Variants in MAP3K4 observed in about 807,000 individuals in gnomAD.
MAP3K4 encodes the protein mitogen-activated protein kinase kinase kinase 4, also known as MAP three kinase 1.
Under a neutral mutation model 185.6 loss-of-function variants are expected in MAP3K4, and 67 were observed. The ratio of observed to expected loss-of-function variants is 0.36; its 90% CI spans 0.30 to 0.44. MAP3K4 has a LOEUF of 0.44. Among genes scored for constraint, MAP3K4 ranks in the 20% least tolerant of loss-of-function variants. The pLI is 1.00. For synonymous variants in MAP3K4, 702 were observed against 710.4 expected, an observed-to-expected ratio of 0.99 and a Z score of 0.19; for missense variants, 1,551 against 1,995.1, an observed-to-expected ratio of 0.78 and a Z score of 4.24.
intron 1 of MAP3K4, among the ~76,000 whole-genome samples, chr6:161,009,706 C>T (rs1781759387): frequency 6.6e-6 from 1 of 152,040 alleles, no homozygotes; most frequent in Non-Finnish European, 1.5e-5. Flanking sequence ...CTTTGAAAGG[C>T]TCTTGAGAAT....
At chr6:161,031,946 CA>C (rs1358401465) in intron 1 of MAP3K4, among the ~76,000 whole-genome samples, 1 of 152,160 alleles carries the variant, frequency 6.6e-6, no homozygotes, top group African/African-American at 2.4e-5. Context: ...TATCTGACTT[CA>C]TTTTTCTAAT....
At position 161,086,506 on chromosome 6, in the gene MAP3K4, AC is replaced by A; in HGVS notation, c.2472+30del. The A allele has an allele frequency of 6.2e-7, 1 of 1,602,314 alleles. No homozygotes were observed. Among genetic ancestry groups the A allele is most frequent in the Non-Finnish European group, 8.5e-7 (1 of 1,172,892 alleles). On this transcript the variant is annotated intron_variant, in intron 8 of 26. Transcript: ENST00000392142. This position sits in a 1 kb window ranked among gnomAD's most constrained non-coding sequence, Gnocchi z 4.8. ...GAGCTTGCAATCCTGATTAATTAGT[AC>A]CTTTTTTCTTGTTTTTCTTTTATCT...
chr6:161,057,770 T>C (rs1784309819), intron 3 of MAP3K4, among the ~76,000 whole-genome samples: 1 of 152,214 alleles, frequency 6.6e-6, no homozygotes. Context: ...CCCTGTCTGA[T>C]TTCATAAGAT....
At position 161,022,856 on chromosome 6, in the gene MAP3K4, A is replaced by G. The variant is rs555727403; in HGVS notation, c.153-11403A>G. Among the ~76,000 whole-genome samples, 32 of 152,252 alleles carry G rather than the reference A, an allele frequency of 2.1e-4. No individual in the cohort carries two copies. Among genetic ancestry groups the G allele is most frequent in the African/African-American group, 7.2e-4 (30 of 41,526 alleles). Reference sequence around the variant, plus strand: ...TCTGGTAAAGATGAAATGAGACTGTATGATATCGAGCATAGTACTTACCAA... The same window carrying G: ...TCTGGTAAAGATGAAATGAGACTGTGTGATATCGAGCATAGTACTTACCAA... On this transcript the variant is annotated intron_variant, in intron 1 of 26. Transcript: ENST00000392142. The surrounding 1 kb of genome is among the most constrained non-coding windows in gnomAD (Gnocchi z 4.2).
intron 1 of MAP3K4, among the ~76,000 whole-genome samples, chr6:161,010,507 A>G (rs1374476648): frequency 1.3e-5 from 2 of 152,094 alleles, no homozygotes; most frequent in African/African-American, 4.8e-5. Flanking sequence ...TGTTTTTTTA[A>G]AAGTTCACTT....
At chr6:161,047,471 A>G (rs1300987547) in intron 2 of MAP3K4, among the ~76,000 whole-genome samples, 1 of 152,192 alleles carries the variant, frequency 6.6e-6, no homozygotes, top group Non-Finnish European at 1.5e-5. Flanking sequence ...CATTGATTAT[A>G]TATAACGTTC....
intron 3 of MAP3K4, among the ~76,000 whole-genome samples, chr6:161,059,862 C>CTTT (rs34694172): frequency 5.5e-4 from 81 of 146,788 alleles, no homozygotes; most frequent in East Asian, 1.4e-3. Context: ...TTCCCCCTGC[C>CTTT]TTTTTTTTTT....
In MAP3K4 at chr6:161,046,521, T is replaced by A. The variant is rs12196170; in HGVS notation, c.344-2095T>A. 2.3e-4 allele frequency among the ~76,000 whole-genome samples: 13 copies of A among 57,114 alleles called. No homozygotes were observed. In the East Asian group the frequency reaches 0.1, roughly 439 times the overall value. 37.5% of individuals were successfully genotyped at this position (57,114 alleles called of 152,430 possible). On this transcript the variant is annotated intron_variant, in intron 2 of 26. Coordinates refer to ENST00000392142, the MANE Select transcript of MAP3K4 (RefSeq NM_005922.4). Reference sequence around the variant, plus strand: ...AATTCTATCTTAAAAATTTTAAATTTAAAAAATAATAATAATAGTAGTTTG... The same window carrying A: ...AATTCTATCTTAAAAATTTTAAATTAAAAAAATAATAATAATAGTAGTTTG...
chr6:161,106,656 C>A lies in MAP3K4; in HGVS notation c.3999C>A (p.His1333Gln). 6.2e-7 allele frequency: 1 copy of A among 1,611,906 alleles called. No individual in the cohort carries two copies. The highest frequency in any genetic ancestry group is 1.1e-5 in the South Asian group (1 of 90,810). ...CTAAGTCCTATGATAATGTTATGCA[C>A]GTTGGCTTGAGGAAGGTGACCTTCA... is the stretch of plus-strand genomic sequence containing the variant. The part of the protein sequence containing the change: ...DTPKSYDNVM[H>Q]VGLRKVTFKW... Residue 1333 changes from histidine to glutamine, a missense_variant, in exon 20 of 27, where the codon CAC becomes CAA. Coordinates refer to ENST00000392142, the MANE Select transcript of MAP3K4 (RefSeq NM_005922.4). The surrounding 1 kb of genome is among the most constrained non-coding windows in gnomAD (Gnocchi z 4.9).
In MAP3K4 at chr6:161,116,737, C is replaced by A; in HGVS notation, c.4807-113C>A. Reference sequence around the variant, plus strand: ...CTTGCCCTCTGTGCCCAGTACAGTGCTGGGAGCATCAGGATGAGTGGATGG... The same window carrying A: ...CTTGCCCTCTGTGCCCAGTACAGTGATGGGAGCATCAGGATGAGTGGATGG... On this transcript the variant is annotated intron_variant, in intron 26 of 26. Transcript: ENST00000392142. This position sits in a 1 kb window ranked among gnomAD's most constrained non-coding sequence, Gnocchi z 6.2. 1 of 877,570 alleles carries A rather than the reference C, an allele frequency of 1.1e-6. No individual in the cohort carries two copies. Among genetic ancestry groups the A allele is most frequent in the Non-Finnish European group, 1.9e-6 (1 of 527,066 alleles). The allele number at this position is 877,570 out of a possible 1,614,324, so 54.4% of individuals were successfully genotyped here.
rs887984864 is a variant in MAP3K4, at chr6:161,022,529, A to G, written c.153-11730A>G. 5.2e-4 allele frequency among the ~76,000 whole-genome samples: 79 copies of G among 152,154 alleles called. No individual in the cohort carries two copies. The highest frequency in any genetic ancestry group is 1.9e-3 in the African/African-American group (78 of 41,426). ...TTTCTCCTGGTCTCTCTCTCATGCT[A>G]TGCTCTCTCTCCACCTGGAGGGACT... On this transcript the variant is annotated intron_variant, in intron 1 of 26. Coordinates refer to ENST00000392142, the MANE Select transcript of MAP3K4 (RefSeq NM_005922.4). This position sits in a 1 kb window ranked among gnomAD's most constrained non-coding sequence, Gnocchi z 4.2.
At chr6:161,060,622 T>TA (rs1364420689) in intron 3 of MAP3K4, among the ~76,000 whole-genome samples, 1 of 146,920 alleles carries the variant, frequency 6.8e-6, no homozygotes, top group Non-Finnish European at 1.5e-5. Flanking sequence ...CTTTTTCTTT[T>TA]TTTTTTTTTT....
In MAP3K4 at chr6:161,073,677, G is replaced by C; in HGVS notation, c.2097+65G>C. On this transcript the variant is annotated intron_variant, in intron 5 of 26. Transcript: ENST00000392142. The surrounding 1 kb of genome is among the most constrained non-coding windows in gnomAD (Gnocchi z 4.2). ...TTTCTTTTTTTAAAAAAGTAAGCCT[G>C]TATTTCCTTGTTTTGCAAACAGCGT... 1 of 1,534,862 alleles carries C rather than the reference G, an allele frequency of 6.5e-7. No homozygotes were observed. Among genetic ancestry groups the C allele is most frequent in the South Asian group, 1.2e-5 (1 of 80,322 alleles).
At chr6:161,000,930 C>CAT (rs149735167) in intron 1 of MAP3K4, among the ~76,000 whole-genome samples, 4,404 of 145,140 alleles carry the variant, frequency 0.03, 220 homozygotes, top group African/African-American at 0.088. Context: ...GTATAATATG[C>CAT]ATATATATGC....
rs1227875735 is a variant in MAP3K4, at chr6:161,107,558, G to A, written c.4049-341G>A. ...TCCTGGCTGTTTTCTGCTGCTCCCA[G>A]CCCCAGCCAAGATCTCCTTGAGGGG... On this transcript the variant is annotated intron_variant, in intron 20 of 26. Coordinates refer to ENST00000392142, the MANE Select transcript of MAP3K4 (RefSeq NM_005922.4). The surrounding 1 kb of genome is among the most constrained non-coding windows in gnomAD (Gnocchi z 6.2). Among the ~76,000 whole-genome samples the A allele has an allele frequency of 6.6e-6, 1 of 152,146 alleles. No homozygotes were observed. Among genetic ancestry groups the A allele is most frequent in the Admixed American group, 6.5e-5 (1 of 15,280 alleles).
intron 11 of MAP3K4, 37 bp downstream of exon 11, chr6:161,089,508 C>T (rs776719718): frequency 1.0e-5 from 16 of 1,606,660 alleles, no homozygotes; most frequent in Non-Finnish European, 1.4e-5. Context: ...GAGATTTTTC[C>T]TTTTTGATGA....
chr6:161,007,273 G>A lies in MAP3K4; in HGVS notation c.152+15190G>A, dbSNP rs1385257315. ...AAATACAGTGGACAGTTAAGTAGACGATTTTATTCGGGATATTGCAGTGGG... is the reference window on the plus strand; with the variant it reads ...AAATACAGTGGACAGTTAAGTAGACAATTTTATTCGGGATATTGCAGTGGG... On this transcript the variant is annotated intron_variant, in intron 1 of 26. Transcript: ENST00000392142. The surrounding 1 kb of genome is among the most constrained non-coding windows in gnomAD (Gnocchi z 4.5). Among the ~76,000 whole-genome samples the A allele has an allele frequency of 2.0e-5, 3 of 152,136 alleles. No individual in the cohort carries two copies. Among genetic ancestry groups the A allele is most frequent in the African/African-American group, 2.4e-5 (1 of 41,428 alleles).
In MAP3K4 at chr6:161,049,710, A is replaced by G; in HGVS notation, c.1438A>G (p.Asn480Asp). 4 of 1,614,164 alleles carry G rather than the reference A, an allele frequency of 2.5e-6. No homozygotes were observed. Among genetic ancestry groups the G allele is most frequent in the South Asian group, 1.1e-5 (1 of 91,078 alleles). The change falls in exon 3 of 27, where the codon AAC becomes GAC. Residue 480 changes from asparagine to aspartate, a missense_variant. By Grantham distance (23) the Asn-to-Asp change is conservative. This residue lies in a region of MAP3K4 where 126 missense variants were observed against 112.8 expected (regional missense o/e 1.12). Transcript: ENST00000392142. The surrounding 1 kb of genome is among the most constrained non-coding windows in gnomAD (Gnocchi z 8.4). ...ACCGGAAATCAGACAGCCCATAGATAACAGCTTCGACATCCAGTCGCGGGA... is the reference window on the plus strand; with the variant it reads ...ACCGGAAATCAGACAGCCCATAGATGACAGCTTCGACATCCAGTCGCGGGA... Reference protein sequence around the residue: ...RVPEIRQPIDNSFDIQSRDCI... With the variant: ...RVPEIRQPIDDSFDIQSRDCI...
Position 161,093,207 on chromosome 6 carries a change from C to T in MAP3K4, c.3348+151C>T, listed in dbSNP as rs1019121554. ...ATGATAATGCTGAGAAATTAAAGTA[C>T]TCCTCATAGCAGAGTAAGATTTTTT... On this transcript the variant is annotated intron_variant, in intron 14 of 26. Transcript: ENST00000392142. This position sits in a 1 kb window ranked among gnomAD's most constrained non-coding sequence, Gnocchi z 5.2. 7.0e-6 allele frequency: 4 copies of T among 567,450 alleles called. No individual in the cohort carries two copies. In the African/African-American group the frequency reaches 7.8e-5, roughly 11 times the overall value. 35.2% of individuals were successfully genotyped at this position (567,450 alleles called of 1,614,324 possible).
Sources: allele counts gnomAD v4.1 joint callset (sites outside exome capture counted in the v4.1 genomes callset), GRCh38; gene constraint gnomAD v4.1.1; regional missense constraint gnomAD v4.1.1; non-coding constraint Gnocchi (gnomAD v3.1); transcripts MANE v1.5; gene names NCBI Gene and HGNC (gene_info 2026-07-23, HGNC 2026-07-21).